Variants in RPS6KC1 observed in about 807,000 individuals in gnomAD.
The protein encoded by RPS6KC1 is ribosomal protein S6 kinase C1, also known as inactive ribosomal protein S6 kinase delta-1.
RPS6KC1 carries 54 observed loss-of-function variants against 103.8 expected under a neutral mutation model. The observed-to-expected ratio is 0.52, with a 90% confidence interval of 0.42 to 0.65. RPS6KC1 has a LOEUF of 0.65. Ranked by LOEUF, RPS6KC1 falls within the 30% of genes least tolerant of loss-of-function variation. The probability of loss-of-function intolerance (pLI) is 0.00; values close to 1 mark genes in which losing one functional copy is unlikely to be tolerated. For missense variants in RPS6KC1, 1,151 were observed against 1,253.8 expected, an observed-to-expected ratio of 0.92 and a Z score of 1.24; for synonymous variants, 439 against 438.7, an observed-to-expected ratio of 1.00 and a Z score of -0.01.
the RPS6KC1 span, among the ~76,000 whole-genome samples, chr1:213,649,765 C>T: frequency 1.8e-4 from 28 of 152,236 alleles, no homozygotes; most frequent in Middle Eastern, 3.4e-3. Context: ...TTCCTAGTAC[C>T]GAGCACATCT....
the RPS6KC1 span, among the ~76,000 whole-genome samples, chr1:213,833,117 AGAGCCTG>A: frequency 2.6e-5 from 4 of 152,222 alleles, no homozygotes; most frequent in South Asian, 8.3e-4. Context: ...CTAAACCCAC[AGAGCCTG>A]GAGCTGCATT....
chr1:213,249,232 G>A (rs1307365159), intron 12 of RPS6KC1, among the ~76,000 whole-genome samples: 1 of 152,170 alleles, frequency 6.6e-6, no homozygotes, highest in Non-Finnish European at 1.5e-5. Flanking sequence ...TGCCTTTGAT[G>A]TTTAACAAAG....
the RPS6KC1 span, among the ~76,000 whole-genome samples, chr1:213,760,931 TG>T: frequency 7.6e-6 from 1 of 131,594 alleles, no homozygotes; most frequent in Non-Finnish European, 1.6e-5. Flanking sequence ...TCATCGCATT[TG>T]GGGGGAAAAT....
At chr1:213,401,416 A>G in the RPS6KC1 span, among the ~76,000 whole-genome samples, 31 of 152,332 alleles carry the variant, frequency 2.0e-4, no homozygotes, top group African/African-American at 7.2e-4. Flanking sequence ...ACTGACACCC[A>G]GATGTTTTCA....
chr1:213,769,100 T>C, the RPS6KC1 span, among the ~76,000 whole-genome samples: 1 of 152,086 alleles, frequency 6.6e-6, no homozygotes, highest in Admixed American at 6.5e-5. Context: ...AGGAGCACAA[T>C]GGGCATGATT....
At chr1:213,508,655 A>G in the RPS6KC1 span, among the ~76,000 whole-genome samples, 1 of 152,114 alleles carries the variant, frequency 6.6e-6, no homozygotes, top group African/African-American at 2.4e-5. Flanking sequence ...TTAAGCCTCA[A>G]TTTCCACATA....
the RPS6KC1 span, chr1:213,819,584 A>G: frequency 6.6e-6 from 1 of 152,236 alleles, no homozygotes; most frequent in African/African-American, 2.4e-5. Context: ...ATCTTTCCGA[A>G]CATTCATTTC....
the RPS6KC1 span, among the ~76,000 whole-genome samples, chr1:213,753,801 G>A: frequency 3.9e-5 from 6 of 152,246 alleles, no homozygotes; most frequent in Non-Finnish European, 5.9e-5. Flanking sequence ...CTAAGCATTC[G>A]TAGGTGCTCC....
At chr1:213,631,221 C>T in the RPS6KC1 span, among the ~76,000 whole-genome samples, 1 of 152,022 alleles carries the variant, frequency 6.6e-6, no homozygotes, top group Non-Finnish European at 1.5e-5. Flanking sequence ...CACTGTCCTG[C>T]ACCCACTGTC....
the RPS6KC1 span, among the ~76,000 whole-genome samples, chr1:213,308,015 T>A: frequency 6.6e-6 from 1 of 151,958 alleles, no homozygotes; most frequent in African/African-American, 2.4e-5. Flanking sequence ...TGGCCAAATT[T>A]AAAGAGAAAG....
chr1:213,575,461 C>A, the RPS6KC1 span, among the ~76,000 whole-genome samples: 2 of 152,128 alleles, frequency 1.3e-5, no homozygotes, highest in African/African-American at 4.8e-5. Context: ...GGGGCGGTTA[C>A]CCCCGTGCTG....
At chr1:213,418,615 T>C in the RPS6KC1 span, among the ~76,000 whole-genome samples, 1 of 152,144 alleles carries the variant, frequency 6.6e-6, no homozygotes, top group African/African-American at 2.4e-5. Context: ...CTTTCACACA[T>C]AGATAGCACA....
chr1:213,639,037 C>T, the RPS6KC1 span, among the ~76,000 whole-genome samples: 8 of 152,020 alleles, frequency 5.3e-5, no homozygotes, highest in African/African-American at 1.9e-4. Flanking sequence ...CATCAGCATA[C>T]AGTTTTCAGC....
chr1:213,805,966 A>G, the RPS6KC1 span, among the ~76,000 whole-genome samples: 1 of 152,254 alleles, frequency 6.6e-6, no homozygotes, highest in East Asian at 1.9e-4. Context: ...AACCAGGTGC[A>G]TTGTTAATAA....
chr1:213,816,736 G>C, the RPS6KC1 span, among the ~76,000 whole-genome samples: 22 of 152,128 alleles, frequency 1.4e-4, no homozygotes, highest in African/African-American at 5.3e-4. Flanking sequence ...CAAAAATATT[G>C]AGTGTCCTTC....
intron 8 of RPS6KC1, among the ~76,000 whole-genome samples, chr1:213,213,440 A>C (rs368376020): frequency 6.6e-6 from 1 of 152,154 alleles, no homozygotes; most frequent in South Asian, 2.1e-4. Flanking sequence ...CCAATACCAC[A>C]CTGTCTTGAT....
At chr1:213,663,938 T>C in the RPS6KC1 span, among the ~76,000 whole-genome samples, 1 of 152,180 alleles carries the variant, frequency 6.6e-6, no homozygotes. Context: ...CCATGCATGG[T>C]GCACTAGGTA....
chr1:213,054,038 G>C (rs2077150473), intron 1 of RPS6KC1, among the ~76,000 whole-genome samples: 1 of 152,006 alleles, frequency 6.6e-6, no homozygotes, highest in African/African-American at 2.4e-5. Context: ...GTTTCGCCTT[G>C]TTGTCCAGTC....
chr1:213,640,270 A>G, the RPS6KC1 span, among the ~76,000 whole-genome samples: 2 of 151,558 alleles, frequency 1.3e-5, no homozygotes. Context: ...TGATATTGGT[A>G]ATTTGTGTCT....
Sources: gnomAD v4.1 joint callset for allele counts (sites outside exome capture counted in the v4.1 genomes callset) on GRCh38, gnomAD v4.1.1 for gene constraint, MANE v1.5 for transcripts, NCBI Gene and HGNC (gene_info 2026-07-23, HGNC 2026-07-21) for gene names.